The following HELZ variants were observed in gnomAD, a reference collection of about 807,000 sequenced individuals.
The protein encoded by HELZ is ATP-dependent RNA helicase with zinc finger domain.
HELZ carries 23 observed loss-of-function variants against 218.2 expected under a neutral mutation model. The observed-to-expected ratio is 0.11, with a 90% CI of 0.08 to 0.15. HELZ has a LOEUF of 0.15. HELZ is among the 10% of genes least tolerant of loss of function. The probability of loss-of-function intolerance (pLI) is 1.00; values close to 1 mark genes in which losing one functional copy is unlikely to be tolerated. For missense variants in HELZ, 1,813 were observed against 2,353.7 expected, an observed-to-expected ratio of 0.77 and a Z score of 4.75; for synonymous variants, 814 against 829.4, an observed-to-expected ratio of 0.98 and a Z score of 0.32.
chr17:67,190,563 T>C (rs1233252995), intron 9 of HELZ, among the ~76,000 whole-genome samples: 1 of 152,226 alleles, frequency 6.6e-6, no homozygotes, highest in African/African-American at 2.4e-5. Flanking sequence ...CCCCATATTA[T>C]TCACTGACTT....
intron 12 of HELZ, among the ~76,000 whole-genome samples, chr17:67,179,278 G>C (rs933374959): frequency 5.3e-5 from 8 of 152,210 alleles, no homozygotes; most frequent in African/African-American, 1.7e-4. Context: ...TTCTTCATAG[G>C]TTTTATCAGA....
At chr17:67,089,694 G>GAGAGAGACAGAGAGAGAGAC in intron 31 of HELZ, among the ~76,000 whole-genome samples, 1 of 100,696 alleles carries the variant, frequency 9.9e-6, no homozygotes, top group South Asian at 4.7e-4. Flanking sequence ...GAGAGAGAGA[G>GAGAGAGACAGAGAGAGAGAC]AGAGAGACAG....
chr17:67,154,042 T>C (rs532226219), intron 17 of HELZ, among the ~76,000 whole-genome samples: 1 of 152,388 alleles, frequency 6.6e-6, no homozygotes, highest in Non-Finnish European at 1.5e-5. Context: ...TTTGTATTAA[T>C]GTTTCTCAAT....
At chr17:67,085,239 C>T (rs1183903114) in intron 32 of HELZ, among the ~76,000 whole-genome samples, 3 of 152,002 alleles carry the variant, frequency 2.0e-5, no homozygotes, top group Admixed American at 6.5e-5. Context: ...GGAAACATGG[C>T]GAAACCCCAT....
intron 3 of HELZ, among the ~76,000 whole-genome samples, chr17:67,236,561 A>G (rs890708377): frequency 9.2e-5 from 14 of 152,222 alleles, no homozygotes; most frequent in African/African-American, 3.4e-4. Context: ...TGACTTGATG[A>G]AATTATTTTT....
At chr17:67,155,776 G>A (rs2038821939) in intron 17 of HELZ, among the ~76,000 whole-genome samples, 1 of 151,660 alleles carries the variant, frequency 6.6e-6, no homozygotes, top group Non-Finnish European at 1.5e-5. Flanking sequence ...GGCAGAGGTT[G>A]CAGTGAGCCC....
At chr17:67,200,904 G>A (rs2040151434) in intron 7 of HELZ, 2 of 511,776 alleles carry the variant, frequency 3.9e-6, no homozygotes, top group African/African-American at 3.8e-5. Flanking sequence ...ACTAGGGACA[G>A]AAGATAAGCC....
At chr17:67,243,212 T>C (rs1337647862) in intron 2 of HELZ, among the ~76,000 whole-genome samples, 1 of 152,242 alleles carries the variant, frequency 6.6e-6, no homozygotes, top group Non-Finnish European at 1.5e-5. Context: ...CAAACTAGTC[T>C]ATTTCCTAAT....
chr17:67,161,488 C>T (rs2038993520), intron 15 of HELZ, among the ~76,000 whole-genome samples: 1 of 152,046 alleles, frequency 6.6e-6, no homozygotes, highest in South Asian at 2.1e-4. Flanking sequence ...AAATGAAATG[C>T]AATAGGGAAA....
intron 32 of HELZ, among the ~76,000 whole-genome samples, chr17:67,084,775 T>C (rs1297689377): frequency 6.6e-6 from 1 of 152,136 alleles, no homozygotes; most frequent in Non-Finnish European, 1.5e-5. Context: ...ATTTGTAATG[T>C]AGATGTTTGC....
At chr17:67,086,627 TATAA>T (rs1335253062) in intron 32 of HELZ, among the ~76,000 whole-genome samples, 198 bp downstream of exon 32, 36 of 50,500 alleles carry the variant, frequency 7.1e-4, no homozygotes, top group African/African-American at 2.3e-3. Flanking sequence ...TAAATATAAA[TATAA>T]ATATATATAT....
At chr17:67,136,247 C>A in intron 22 of HELZ, 49 bp from the exon 23 acceptor site, 1 of 1,191,692 alleles carries the variant, frequency 8.4e-7, no homozygotes, top group South Asian at 1.3e-5. Flanking sequence ...CATTCTGAAC[C>A]ACTGATATAA....
At chr17:67,206,084 T>C (rs543214634) in intron 5 of HELZ, among the ~76,000 whole-genome samples, 1 of 152,362 alleles carries the variant, frequency 6.6e-6, no homozygotes, top group African/African-American at 2.4e-5. Context: ...CCTACTGTAT[T>C]ATTAAACTTG....
intron 31 of HELZ, among the ~76,000 whole-genome samples, chr17:67,105,535 G>T (rs768351337): frequency 2.6e-5 from 4 of 152,172 alleles, no homozygotes; most frequent in Non-Finnish European, 5.9e-5. Flanking sequence ...AGACAGTAGT[G>T]ATGACTGTAT....
intron 23 of HELZ, among the ~76,000 whole-genome samples, chr17:67,132,041 C>T (rs2038001893): frequency 6.6e-6 from 1 of 152,078 alleles, no homozygotes; most frequent in Non-Finnish European, 1.5e-5. Context: ...TTTTTTAGTA[C>T]TATTGGTTTA....
At chr17:67,205,696 T>C (rs1345549389) in intron 5 of HELZ, among the ~76,000 whole-genome samples, 1 of 152,110 alleles carries the variant, frequency 6.6e-6, no homozygotes, top group Non-Finnish European at 1.5e-5. Context: ...ACTTAAAGAG[T>C]ATTAAATCAC....
intron 31 of HELZ, among the ~76,000 whole-genome samples, chr17:67,102,021 G>A (rs991751557): frequency 6.6e-6 from 1 of 152,240 alleles, no homozygotes; most frequent in Non-Finnish European, 1.5e-5. Flanking sequence ...GATGCAGGCA[G>A]TACTGCCAGA....
At chr17:67,125,154 T>C (rs369837391) in intron 24 of HELZ, among the ~76,000 whole-genome samples, 10 of 150,426 alleles carry the variant, frequency 6.6e-5, no homozygotes, top group East Asian at 5.8e-4. Flanking sequence ...GTCAATTGGT[T>C]ATGAGTGAGG....
In HELZ at chr17:67,109,098, G is replaced by A. The variant is rs1412258867; in HGVS notation, c.4489+18C>T. ...AAGTAATCTCTGAATTTTCACATCT[G>A]GCAGTAATAGAACTTACCTAAAGCC... On this transcript the variant is annotated intron_variant, in intron 29 of 32. Transcript: ENST00000358691. 6.5e-7 allele frequency: 1 copy of A among 1,539,908 alleles called. No homozygotes were observed. Among genetic ancestry groups the A allele is most frequent in the South Asian group, 1.2e-5 (1 of 84,084 alleles).
Sources: allele counts gnomAD v4.1 joint callset (sites outside exome capture counted in the v4.1 genomes callset), GRCh38; gene constraint gnomAD v4.1.1; transcripts MANE v1.5; gene names NCBI Gene and HGNC (gene_info 2026-07-23, HGNC 2026-07-21).